Variants in ATRNL1 observed in about 807,000 individuals in gnomAD.
The protein encoded by ATRNL1 is attractin-like protein 1.
Under a neutral mutation model 182.7 loss-of-function variants are expected in ATRNL1, and 95 were observed. The observed-to-expected ratio is 0.52, with a 90% CI of 0.44 to 0.62. The LOEUF is 0.62. Among genes scored for constraint, ATRNL1 ranks in the 20% least tolerant of loss-of-function variants. The pLI is 0.00. For synonymous variants in ATRNL1, 576 were observed against 568.3 expected, an observed-to-expected ratio of 1.01 and a Z score of -0.19; for missense variants, 1,471 against 1,679.5, an observed-to-expected ratio of 0.88 and a Z score of 2.17.
At chr10:115,203,034 T>C (rs1848649489) in intron 8 of ATRNL1, among the ~76,000 whole-genome samples, 1 of 152,216 alleles carries the variant, frequency 6.6e-6, no homozygotes, top group South Asian at 2.1e-4. Flanking sequence ...GTGTTTGTAG[T>C]ATTCTCTGAT....
chr10:115,467,027 T>G (rs1848083321), intron 22 of ATRNL1, 147 bp from the exon 23 acceptor site: 1 of 498,598 alleles, frequency 2.0e-6, no homozygotes, highest in African/African-American at 2.0e-5. Context: ...TTAAAATGTA[T>G]AAATGGCATC....
At chr10:115,228,372 T>C (rs1393017604) in intron 9 of ATRNL1, among the ~76,000 whole-genome samples, 3 of 152,200 alleles carry the variant, frequency 2.0e-5, no homozygotes, top group Non-Finnish European at 4.4e-5. Context: ...CTGATTCATA[T>C]TATCTTTGCT....
At chr10:115,529,268 A>G (rs1851422597) in intron 25 of ATRNL1, among the ~76,000 whole-genome samples, 1 of 151,900 alleles carries the variant, frequency 6.6e-6, no homozygotes, top group South Asian at 2.1e-4. Context: ...TTTTTGTCTT[A>G]AAGAACATTT....
intron 27 of ATRNL1, among the ~76,000 whole-genome samples, chr10:115,774,367 G>C (rs1209677013): frequency 7.1e-6 from 1 of 140,652 alleles, no homozygotes; most frequent in Non-Finnish European, 1.5e-5. Context: ...GGAAGTTGCG[G>C]TGAGCCGAGA....
intron 27 of ATRNL1, among the ~76,000 whole-genome samples, chr10:115,747,679 C>G (rs782411254): frequency 6.6e-6 from 1 of 152,166 alleles, no homozygotes; most frequent in Non-Finnish European, 1.5e-5. Flanking sequence ...GTGATCTTCA[C>G]TATTCCAACT....
chr10:115,352,088 C>T lies in ATRNL1; in HGVS notation c.3175+17669C>T, dbSNP rs1371011131. On this transcript the variant is annotated intron_variant, in intron 19 of 28. Coordinates refer to ENST00000355044, the MANE Select transcript of ATRNL1 (RefSeq NM_207303.4). ...ATTTATACTTGTCTCCCAGGCTTTA[C>T]AATTTATTGGGATATAGTTGCTTAT... is the stretch of plus-strand genomic sequence containing the variant. 1.3e-5 allele frequency among the ~76,000 whole-genome samples: 2 copies of T among 151,996 alleles called. 1 individual carries two copies. The highest frequency in any genetic ancestry group is 4.1e-4 in the South Asian group (2 of 4,832).
chr10:115,645,494 TTA>T (rs1260383371), intron 26 of ATRNL1, among the ~76,000 whole-genome samples: 2 of 147,432 alleles, frequency 1.4e-5, no homozygotes, highest in Non-Finnish European at 1.5e-5. Context: ...TAATAGAGAT[TTA>T]TATATATATA....
chr10:115,223,577 A>G (rs975852089), intron 9 of ATRNL1, among the ~76,000 whole-genome samples: 1 of 152,050 alleles, frequency 6.6e-6, no homozygotes, highest in African/African-American at 2.4e-5. Context: ...CAGGAGACCA[A>G]AAAACCGGCA....
intron 26 of ATRNL1, among the ~76,000 whole-genome samples, chr10:115,686,216 C>G (rs1946214731): frequency 6.6e-6 from 1 of 151,956 alleles, no homozygotes; most frequent in South Asian, 2.1e-4. Context: ...TAATGCCACA[C>G]TGTAAGCAAA....
intron 28 of ATRNL1, among the ~76,000 whole-genome samples, chr10:115,872,770 A>G (rs1565451940): frequency 1.3e-5 from 2 of 152,238 alleles, no homozygotes; most frequent in Non-Finnish European, 2.9e-5. Flanking sequence ...CCAGAGAAAG[A>G]GCAACTGTAA....
At chr10:115,833,584 C>T (rs1236330302) in intron 27 of ATRNL1, among the ~76,000 whole-genome samples, 1 of 152,110 alleles carries the variant, frequency 6.6e-6, no homozygotes, top group Admixed American at 6.6e-5. Context: ...ATTTATTGAA[C>T]ACTTGCCCTA....
intron 26 of ATRNL1, among the ~76,000 whole-genome samples, chr10:115,588,734 T>C (rs1444082139): frequency 1.3e-5 from 2 of 152,150 alleles, no homozygotes; most frequent in African/African-American, 4.8e-5. Context: ...ATTTTCCCAG[T>C]GTGTACAAGT....
rs928785434 is a variant in ATRNL1, at chr10:115,549,387, T to C, written c.3717-71T>C. ...TTATATATATATGTATTTGAGTCTT[T>C]CATGTACTGTTTTTTCATTACATAG... On this transcript the variant is annotated intron_variant, in intron 25 of 28. Coordinates refer to ENST00000355044, the MANE Select transcript of ATRNL1 (RefSeq NM_207303.4). 3.7e-6 allele frequency: 4 copies of C among 1,087,480 alleles called. No individual in the cohort carries two copies. The African/African-American group carries it at 6.5e-5, about 18-fold the overall frequency. 67.4% of individuals were successfully genotyped at this position (1,087,480 alleles called of 1,614,324 possible). A position where few individuals can be genotyped will look rare whatever the true frequency, so the allele number is the denominator to read the frequency against.
chr10:115,678,006 C>A (rs185695850), intron 26 of ATRNL1, among the ~76,000 whole-genome samples: 1 of 151,942 alleles, frequency 6.6e-6, no homozygotes, highest in Admixed American at 6.6e-5. Context: ...CATAGTGAAA[C>A]GAATGAAAAT....
intron 28 of ATRNL1, among the ~76,000 whole-genome samples, chr10:115,876,160 G>A (rs150974149): frequency 6.6e-6 from 1 of 152,176 alleles, no homozygotes; most frequent in Non-Finnish European, 1.5e-5. Flanking sequence ...ATATTTAATG[G>A]TCAGAACATC....
At chr10:115,625,825 A>T (rs1207937030) in intron 26 of ATRNL1, among the ~76,000 whole-genome samples, 2 of 152,140 alleles carry the variant, frequency 1.3e-5, no homozygotes, top group African/African-American at 4.8e-5. Flanking sequence ...ACCTCAATGA[A>T]CAAACTCTTC....
intron 1 of ATRNL1, among the ~76,000 whole-genome samples, chr10:115,096,255 G>T (rs1365612048): frequency 1.3e-5 from 2 of 152,068 alleles, no homozygotes; most frequent in Admixed American, 6.6e-5. Flanking sequence ...TGGAATACAA[G>T]CTATTAATTA....
At chr10:115,540,853 T>A (rs782270370) in intron 25 of ATRNL1, among the ~76,000 whole-genome samples, 14 of 152,030 alleles carry the variant, frequency 9.2e-5, no homozygotes, top group Non-Finnish European at 1.8e-4. Flanking sequence ...CAATGTTTAG[T>A]GCTTTAAGAA....
chr10:115,357,002 T>C (rs1856533503), intron 19 of ATRNL1, among the ~76,000 whole-genome samples: 1 of 151,894 alleles, frequency 6.6e-6, no homozygotes, highest in East Asian at 1.9e-4. Context: ...TGTCTAAGGG[T>C]TCAATATTTC....
Sources: gnomAD v4.1 joint callset for allele counts (sites outside exome capture counted in the v4.1 genomes callset) on GRCh38, gnomAD v4.1.1 for gene constraint, MANE v1.5 for transcripts, NCBI Gene and HGNC (gene_info 2026-07-23, HGNC 2026-07-21) for gene names.